SUMF1: variants seen among roughly 807,000 people sequenced by gnomAD.
SUMF1 encodes formylglycine-generating enzyme.
A neutral mutation model predicts 47.6 loss-of-function variants in SUMF1; 48 were observed. The ratio of observed to expected loss-of-function variants is 1.01; its 90% CI spans 0.80 to 1.28. The LOEUF is 1.28. Among genes scored for constraint, SUMF1 ranks in the 50% most tolerant of loss-of-function variants. The pLI, the probability that SUMF1 is intolerant of heterozygous loss-of-function variation, is 0.00. For missense variants in SUMF1, 571 were observed against 485.4 expected (o/e 1.18, Z -1.66); for synonymous variants, 230 against 192.1 (o/e 1.20, Z -1.63).
intron 9 of SUMF1, among the ~76,000 whole-genome samples, chr3:4,048,467 T>C (rs750594460): frequency 6.6e-6 from 1 of 152,198 alleles, no homozygotes; most frequent in Non-Finnish European, 1.5e-5. Context: ...CCAGGTCTGC[T>C]TGATTGCAGA....
At chr3:4,186,982 T>G (rs1695212988) in intron 8 of SUMF1, among the ~76,000 whole-genome samples, 1 of 152,204 alleles carries the variant, frequency 6.6e-6, no homozygotes, top group South Asian at 2.1e-4. Flanking sequence ...GTTACTAGCA[T>G]AACATATTGC....
chr3:4,353,266 T>C (rs1259322775), intron 8 of SUMF1, among the ~76,000 whole-genome samples: 1 of 152,164 alleles, frequency 6.6e-6, no homozygotes, highest in African/African-American at 2.4e-5. Context: ...ATTAGGAATT[T>C]TTTTGAGACG....
intron 8 of SUMF1, among the ~76,000 whole-genome samples, chr3:4,332,982 C>T (rs113568907): frequency 0.048 from 7,275 of 152,204 alleles, 591 homozygotes; most frequent in African/African-American, 0.17. Context: ...TGGGGAGAAT[C>T]GGCCACTGGA....
chr3:4,079,679 T>A (rs1452590835), intron 8 of SUMF1, among the ~76,000 whole-genome samples: 1 of 150,332 alleles, frequency 6.7e-6, no homozygotes, highest in Non-Finnish European at 1.5e-5. Flanking sequence ...GGAAAGTACT[T>A]ATTGGAATAT....
In SUMF1 at chr3:4,401,765, C is replaced by CT. The variant is rs1257750870; in HGVS notation, c.954+9099dup. 3.9e-5 allele frequency among the ~76,000 whole-genome samples: 6 copies of CT among 152,328 alleles called. No homozygotes were observed. The East Asian group carries it at 7.7e-4, about 20-fold the overall frequency. ...ACAAATAACCACACTAGCAAACTCTCTGCTCTTTTCTTTTAATGGTTCTGT... is the reference window on the plus strand; with the variant it reads ...ACAAATAACCACACTAGCAAACTCTCTTGCTCTTTTCTTTTAATGGTTCTGT... On this transcript the variant is annotated intron_variant, in intron 7 of 8. Coordinates refer to ENST00000272902, the MANE Select transcript of SUMF1 (RefSeq NM_182760.4).
chr3:4,224,000 A>C lies in SUMF1; in HGVS notation c.1014+152330T>G, dbSNP rs1280460505. On this transcript the variant is annotated intron_variant and NMD_transcript_variant, in intron 8 of 12. Coordinates refer to the SUMF1 transcript ENST00000448413. The stretch of plus-strand genomic sequence containing the variant: ...AATAGACAACAGCATTAAGGATAAG[A>C]GTAAGCAAGAAGGAACAGGAGGGAA... Among the ~76,000 whole-genome samples, 6 of 152,134 alleles carry C rather than the reference A, an allele frequency of 3.9e-5. 1 individual carries two copies. Among genetic ancestry groups the C allele is most frequent in the Non-Finnish European group, 8.8e-5 (6 of 68,012 alleles).
intron 8 of SUMF1, among the ~76,000 whole-genome samples, chr3:4,294,214 A>T (rs1422066936): frequency 6.6e-6 from 1 of 152,152 alleles, no homozygotes; most frequent in Non-Finnish European, 1.5e-5. Flanking sequence ...TTTAAATCAA[A>T]TTTAATTAAA....
rs1699210105 is a variant in SUMF1 at position 4,338,895 on chromosome 3, T to C, written c.1014+37435A>G. Among the ~76,000 whole-genome samples the C allele has an allele frequency of 2.6e-5, 4 of 152,256 alleles. No homozygotes were observed. In the South Asian group the frequency reaches 6.2e-4, roughly 24 times the overall value. On this transcript the variant is annotated intron_variant and NMD_transcript_variant, in intron 8 of 12. Transcript: ENST00000448413. The stretch of plus-strand genomic sequence containing the variant: ...GTGATTGAGTTATGTCTAGCTACTC[T>C]ATGAGACTGTAAGATCCTGGCGGAC...
intron 8 of SUMF1, among the ~76,000 whole-genome samples, chr3:4,107,723 C>G (rs1054585047): frequency 6.6e-6 from 1 of 152,044 alleles, no homozygotes; most frequent in African/African-American, 2.4e-5. Context: ...AAGGCCAAGG[C>G]TGAAGGATCA....
intron 8 of SUMF1, among the ~76,000 whole-genome samples, chr3:4,097,451 GCT>G (rs1692931654): frequency 1.3e-5 from 2 of 152,164 alleles, no homozygotes; most frequent in African/African-American, 4.8e-5. Flanking sequence ...TACTTGGGAG[GCT>G]GAGGCAGGAG....
intron 9 of SUMF1, among the ~76,000 whole-genome samples, chr3:4,038,692 C>T (rs1023537860): frequency 6.6e-6 from 1 of 152,080 alleles, no homozygotes; most frequent in Non-Finnish European, 1.5e-5. Context: ...GTGTAGCCCT[C>T]AGGCTCTTTG....
At chr3:4,173,959 A>G (rs1694896336) in intron 8 of SUMF1, among the ~76,000 whole-genome samples, 1 of 152,178 alleles carries the variant, frequency 6.6e-6, no homozygotes, top group African/African-American at 2.4e-5. Flanking sequence ...GCAAACCACC[A>G]TGGCAGGAGT....
At position 4,262,273 on chromosome 3, in the gene SUMF1, A is replaced by G. The variant is rs1199636183; in HGVS notation, c.1014+114057T>C. On this transcript the variant is annotated intron_variant and NMD_transcript_variant, in intron 8 of 12. Coordinates refer to the SUMF1 transcript ENST00000448413. Reference sequence around the variant, plus strand: ...TGTGATGGAGAGAGCTGGGCCTAACATAACAAAGCAATCCTAGCCACACTG... The same window carrying G: ...TGTGATGGAGAGAGCTGGGCCTAACGTAACAAAGCAATCCTAGCCACACTG... Among the ~76,000 whole-genome samples the G allele has an allele frequency of 3.3e-5, 5 of 152,144 alleles. 1 individual carries two copies. Among genetic ancestry groups the G allele is most frequent in the East Asian group, 3.9e-4 (2 of 5,170 alleles).
chr3:4,174,859 A>T (rs970119533), intron 8 of SUMF1, among the ~76,000 whole-genome samples: 6 of 152,206 alleles, frequency 3.9e-5, no homozygotes, highest in African/African-American at 1.4e-4. Flanking sequence ...AGGTCTTAGC[A>T]ACCAGCAGAC....
At chr3:4,417,975 A>G in intron 5 of SUMF1, 35 bp downstream of exon 5, 1 of 1,613,616 alleles carries the variant, frequency 6.2e-7, no homozygotes, top group Non-Finnish European at 8.5e-7. Flanking sequence ...CAAATGACCA[A>G]CATATTGTCA....
intron 7 of SUMF1, 121 bp from the exon 8 acceptor site, chr3:4,376,510 T>C: frequency 1.0e-6 from 1 of 980,472 alleles, no homozygotes; most frequent in Non-Finnish European, 1.6e-6. Flanking sequence ...TCCACATGCA[T>C]TTCCACCCCT....
chr3:4,045,375 A>C (rs1694986180), intron 9 of SUMF1, among the ~76,000 whole-genome samples: 2 of 151,344 alleles, frequency 1.3e-5, no homozygotes, highest in Non-Finnish European at 1.5e-5. Flanking sequence ...TCTATGTCCA[A>C]CCATCCACCC....
intron 8 of SUMF1, among the ~76,000 whole-genome samples, chr3:4,363,174 T>C (rs1039938074): frequency 3.3e-5 from 5 of 152,144 alleles, no homozygotes; most frequent in Non-Finnish European, 5.9e-5. Context: ...AGATGGCCAC[T>C]GAAAAAATAC....
At chr3:4,064,890 A>C (rs1695343105) in intron 9 of SUMF1, among the ~76,000 whole-genome samples, 1 of 152,196 alleles carries the variant, frequency 6.6e-6, no homozygotes, top group Non-Finnish European at 1.5e-5. Flanking sequence ...TTTGGAAGGA[A>C]AATAAAACAG....
Sources: gnomAD v4.1 joint callset for allele counts (sites outside exome capture counted in the v4.1 genomes callset) on GRCh38, gnomAD v4.1.1 for gene constraint, MANE v1.5 for transcripts, NCBI Gene and HGNC (gene_info 2026-07-23, HGNC 2026-07-21) for gene names.